LRRTM3: variants seen among roughly 807,000 people sequenced by gnomAD.
The protein encoded by LRRTM3 is leucine rich repeat transmembrane neuronal 3.
In LRRTM3, 24 loss-of-function variants were observed where a neutral mutation model predicts 44.7. The observed-to-expected ratio is 0.54, with a 90% CI of 0.39 to 0.76. The LOEUF (loss-of-function observed/expected upper bound fraction) is 0.76. Among genes scored for constraint, LRRTM3 ranks in the 30% least tolerant of loss-of-function variants. The pLI, the probability that LRRTM3 is intolerant of heterozygous loss-of-function variation, is 0.00. For synonymous variants in LRRTM3, 277 were observed against 278.7 expected (o/e 0.99, Z 0.06); for missense variants, 587 against 702.2 (o/e 0.84, Z 1.85).
chr10:67,085,457 A>G (rs1857252958), intron 2 of LRRTM3, among the ~76,000 whole-genome samples: 1 of 151,922 alleles, frequency 6.6e-6, no homozygotes, highest in South Asian at 2.1e-4. Flanking sequence ...GCTATTCACC[A>G]CATCACCCTC....
At chr10:67,063,387 C>A (rs575805635) in intron 2 of LRRTM3, among the ~76,000 whole-genome samples, 1 of 151,970 alleles carries the variant, frequency 6.6e-6, no homozygotes. Flanking sequence ...AAAATATATG[C>A]CTTTAAAAAG....
At chr10:67,097,259 T>C (rs969288996) in intron 2 of LRRTM3, among the ~76,000 whole-genome samples, 1 of 151,924 alleles carries the variant, frequency 6.6e-6, no homozygotes, top group Admixed American at 6.6e-5. Context: ...TTATCAGTTC[T>C]AAAAACACAA....
chr10:67,034,604 T>C (rs1418347741), intron 2 of LRRTM3, among the ~76,000 whole-genome samples: 1 of 152,178 alleles, frequency 6.6e-6, no homozygotes, highest in African/African-American at 2.4e-5. Flanking sequence ...TTCAGGTCTT[T>C]ACTAATAACC....
intron 2 of LRRTM3, among the ~76,000 whole-genome samples, chr10:67,041,081 T>C (rs1004489188): frequency 3.3e-5 from 5 of 152,114 alleles, no homozygotes; most frequent in African/African-American, 1.2e-4. Context: ...ATAATAAGAT[T>C]AGTGTTATTT....
intron 2 of LRRTM3, among the ~76,000 whole-genome samples, chr10:66,993,612 T>C (rs1292617185): frequency 6.6e-6 from 1 of 152,004 alleles, no homozygotes; most frequent in African/African-American, 2.4e-5. Context: ...ATAATGTGAT[T>C]TTTGAGTGAA....
intron 2 of LRRTM3, among the ~76,000 whole-genome samples, chr10:67,076,683 C>A (rs994715109): frequency 6.6e-6 from 1 of 152,074 alleles, no homozygotes; most frequent in Non-Finnish European, 1.5e-5. Flanking sequence ...GAATGAAATT[C>A]CAGGTAACCA....
chr10:67,075,783 T>G (rs1856717463), intron 2 of LRRTM3, among the ~76,000 whole-genome samples: 1 of 152,196 alleles, frequency 6.6e-6, no homozygotes, highest in Admixed American at 6.5e-5. Flanking sequence ...AAAAATTAAC[T>G]CACACATTCA....
chr10:67,065,365 CT>C (rs1356770149), intron 2 of LRRTM3, among the ~76,000 whole-genome samples: 1 of 151,982 alleles, frequency 6.6e-6, no homozygotes, highest in Non-Finnish European at 1.5e-5. Flanking sequence ...AATGAGGAGG[CT>C]TTATAATTAA....
intron 2 of LRRTM3, among the ~76,000 whole-genome samples, chr10:67,090,104 C>T (rs1857541668): frequency 6.6e-6 from 1 of 152,086 alleles, no homozygotes; most frequent in South Asian, 2.1e-4. Flanking sequence ...AGGGATCTAA[C>T]TTTAAAAACC....
At chr10:67,043,873 T>C (rs1350958471) in intron 2 of LRRTM3, among the ~76,000 whole-genome samples, 2 of 151,586 alleles carry the variant, frequency 1.3e-5, no homozygotes, top group African/African-American at 4.8e-5. Flanking sequence ...CCCAACATTC[T>C]GTTCTGTAGG....
chr10:67,088,652 G>A (rs751733796), intron 2 of LRRTM3, among the ~76,000 whole-genome samples: 46 of 152,064 alleles, frequency 3.0e-4, no homozygotes, highest in South Asian at 1.0e-3. Context: ...CTTTCAAATA[G>A]AACTCTTAAG....
At chr10:67,096,610 G>A (rs2131929632) in intron 2 of LRRTM3, among the ~76,000 whole-genome samples, 1 of 152,002 alleles carries the variant, frequency 6.6e-6, no homozygotes, top group East Asian at 1.9e-4. Context: ...TTTAGGACAA[G>A]TTTTTATCTT....
chr10:67,034,804 A>G (rs1197216090), intron 2 of LRRTM3, among the ~76,000 whole-genome samples: 4 of 152,274 alleles, frequency 2.6e-5, no homozygotes, highest in Admixed American at 2.6e-4. Context: ...CCAACCTACC[A>G]TATCAGTCTT....
At chr10:66,968,966 G>A (rs1849579467) in intron 2 of LRRTM3, among the ~76,000 whole-genome samples, 1 of 151,934 alleles carries the variant, frequency 6.6e-6, no homozygotes, top group South Asian at 2.1e-4. Context: ...CCAGTGAGCT[G>A]AGAACACACC....
intron 2 of LRRTM3, among the ~76,000 whole-genome samples, chr10:66,938,855 C>G (rs1196608964): frequency 2.0e-5 from 3 of 152,114 alleles, no homozygotes; most frequent in African/African-American, 4.8e-5. Flanking sequence ...AGTCTAGCTG[C>G]GAATACACCT....
intron 2 of LRRTM3, among the ~76,000 whole-genome samples, chr10:66,971,451 AC>A (rs561132244): frequency 1.3e-3 from 198 of 152,182 alleles, no homozygotes; most frequent in Non-Finnish European, 2.2e-3. Context: ...ATACATACAT[AC>A]ATAAACAGTG....
chr10:67,032,927 C>T (rs1286472789), intron 2 of LRRTM3, among the ~76,000 whole-genome samples: 1 of 152,146 alleles, frequency 6.6e-6, no homozygotes, highest in Non-Finnish European at 1.5e-5. Context: ...ATTTTCAGCA[C>T]ACCATGGAAT....
At chr10:67,043,680 T>C (rs1854549517) in intron 2 of LRRTM3, among the ~76,000 whole-genome samples, 1 of 152,146 alleles carries the variant, frequency 6.6e-6, no homozygotes, top group African/African-American at 2.4e-5. Context: ...TACCCTTTAA[T>C]CTCCCACTGC....
At position 67,097,976 on chromosome 10, in the gene LRRTM3, C is replaced by T; in HGVS notation, c.*180C>T. On this transcript the variant is annotated 3_prime_UTR_variant, in exon 3 of 3. Coordinates refer to ENST00000361320, the MANE Select transcript of LRRTM3 (RefSeq NM_178011.5). ...GAAGACATGAATTGTTTTAAGTCTA[C>T]ACTTTGTAATTAGCTAAGTTGTGCA... 2 of 605,564 alleles carry T rather than the reference C, an allele frequency of 3.3e-6. No homozygotes were observed. The highest frequency in any genetic ancestry group is 4.1e-5 in the South Asian group (2 of 49,086). The allele number at this position is 605,564 out of a possible 1,614,324, so 37.5% of individuals were successfully genotyped here.
Sources: allele counts gnomAD v4.1 joint callset (sites outside exome capture counted in the v4.1 genomes callset), GRCh38; gene constraint gnomAD v4.1.1; transcripts MANE v1.5; gene names NCBI Gene and HGNC (gene_info 2026-07-23, HGNC 2026-07-21).